The following ZMIZ1 variants were observed in gnomAD, a reference collection of about 807,000 sequenced individuals.
The protein encoded by ZMIZ1 is zinc finger MIZ domain-containing protein 1.
ZMIZ1 carries 17 observed loss-of-function variants against 113.9 expected under a neutral mutation model. The ratio of observed to expected loss-of-function variants is 0.15; its 90% confidence interval spans 0.10 to 0.22. ZMIZ1 has a LOEUF of 0.22. Among genes scored for constraint, ZMIZ1 ranks in the 10% least tolerant of loss-of-function variants. The probability of loss-of-function intolerance (pLI) is 1.00; values close to 1 mark genes in which losing one functional copy is unlikely to be tolerated. For missense variants in ZMIZ1, 1,059 were observed against 1,477.8 expected, an observed-to-expected ratio of 0.72 and a Z score of 4.65; for synonymous variants, 607 against 603.1, an observed-to-expected ratio of 1.01 and a Z score of -0.09.
At chr10:79,114,984 G>T (rs1843959645) in intron 1 of ZMIZ1, among the ~76,000 whole-genome samples, 1 of 152,154 alleles carries the variant, frequency 6.6e-6, no homozygotes, top group African/African-American at 2.4e-5. Flanking sequence ...TAAATTTCTG[G>T]GCTGTGTTCC....
chr10:79,159,026 A>C (rs1157474465), intron 3 of ZMIZ1, among the ~76,000 whole-genome samples: 9 of 152,138 alleles, frequency 5.9e-5, no homozygotes, highest in African/African-American at 2.2e-4. Context: ...TCAGGGTCTC[A>C]CACACCCCAG....
chr10:79,203,253 T>G (rs1250574), intron 5 of ZMIZ1, among the ~76,000 whole-genome samples: 111,503 of 152,092 alleles, frequency 0.73, 40,943 homozygotes, highest in East Asian at 0.78. Flanking sequence ...AGAACGAGGG[T>G]TGTGTGTCTT....
chr10:79,255,736 C>T lies in ZMIZ1; in HGVS notation c.281-21445C>T, dbSNP rs1056058773. ...GTTGTTCTACTTAATTTCATTTTCC[C>T]GGGGCTCCAACTCACAGAAATAAAC... is the stretch of plus-strand genomic sequence containing the variant. On this transcript the variant is annotated intron_variant, in intron 7 of 24. Coordinates refer to ENST00000334512, the MANE Select transcript of ZMIZ1 (RefSeq NM_020338.4). Among the ~76,000 whole-genome samples the T allele has an allele frequency of 1.1e-4, 17 of 152,230 alleles. 1 individual carries two copies. Among genetic ancestry groups the T allele is most frequent in the Admixed American group, 6.5e-4 (10 of 15,274 alleles).
chr10:79,130,800 A>T (rs2132371234), intron 2 of ZMIZ1, among the ~76,000 whole-genome samples: 1 of 152,306 alleles, frequency 6.6e-6, no homozygotes, highest in Middle Eastern at 3.4e-3. Flanking sequence ...GACACTTATG[A>T]AGTGTTTGCA....
At chr10:79,245,077 A>G (rs1850110272) in intron 7 of ZMIZ1, among the ~76,000 whole-genome samples, 1 of 152,186 alleles carries the variant, frequency 6.6e-6, no homozygotes, top group Admixed American at 6.5e-5. Context: ...CCTTAGTGAG[A>G]AACCACCAAA....
chr10:79,119,911 T>A (rs1228930928), intron 2 of ZMIZ1, among the ~76,000 whole-genome samples: 1 of 152,178 alleles, frequency 6.6e-6, no homozygotes, highest in Admixed American at 6.5e-5. Flanking sequence ...ACACTTACTG[T>A]GTGCCAACTC....
intron 2 of ZMIZ1, among the ~76,000 whole-genome samples, chr10:79,127,973 C>G (rs989671825): frequency 4.6e-5 from 7 of 152,216 alleles, no homozygotes; most frequent in Admixed American, 1.3e-4. Flanking sequence ...CTACCTTTTT[C>G]CTGGGTGCTG....
rs149174704 is a variant in ZMIZ1, at chr10:79,311,101, G to A, written c.3013G>A (p.Asp1005Asn). ...QAAPSSHPHSDLTFNPSSALE... is the reference protein window; with the variant it reads ...QAAPSSHPHSNLTFNPSSALE... ...CGCTCCCAGCAGCCATCCACACAGC[G>A]ACCTGACCTTTAACCCCTCCTCAGC... is the stretch of plus-strand genomic sequence containing the variant. Residue 1005 changes from aspartate (D) to asparagine (N), a missense_variant, in exon 24 of 25, where the codon GAC (aspartate) becomes AAC (asparagine). Transcript: ENST00000334512. 269 of 1,613,680 alleles carry A rather than the reference G, an allele frequency of 1.7e-4. No individual in the cohort carries two copies. The East Asian group carries it at 1.7e-3, about 10-fold the overall frequency.
chr10:79,306,610 C>G (rs745400422), intron 22 of ZMIZ1, among the ~76,000 whole-genome samples: 1 of 151,906 alleles, frequency 6.6e-6, no homozygotes, highest in Admixed American at 6.5e-5. Context: ...TTACCCCTTG[C>G]CCTCCTGTAT....
At chr10:79,087,743 G>A (rs539453719) in intron 1 of ZMIZ1, among the ~76,000 whole-genome samples, 2 of 152,200 alleles carry the variant, frequency 1.3e-5, no homozygotes, top group Non-Finnish European at 2.9e-5. Flanking sequence ...TGTGTGCTTT[G>A]CACGTTGTGT....
chr10:79,210,600 C>G (rs929224730), intron 6 of ZMIZ1, among the ~76,000 whole-genome samples: 1 of 152,192 alleles, frequency 6.6e-6, no homozygotes, highest in African/African-American at 2.4e-5. Context: ...ATGCAAAGGC[C>G]CTGAGGCTTG....
intron 19 of ZMIZ1, among the ~76,000 whole-genome samples, chr10:79,304,479 C>T (rs1854547906): frequency 6.6e-6 from 1 of 152,234 alleles, no homozygotes; most frequent in African/African-American, 2.4e-5. Context: ...AGCAGGGACA[C>T]CACTGTCCAG....
chr10:79,208,137 G>A (rs1406382260), intron 5 of ZMIZ1, among the ~76,000 whole-genome samples, 199 bp from the exon 6 acceptor site: 7 of 139,394 alleles, frequency 5.0e-5, no homozygotes, highest in Non-Finnish European at 1.6e-5. Context: ...GTGGGGGTGG[G>A]GGGGGGTGGG....
At chr10:79,093,848 T>C (rs1023117872) in intron 1 of ZMIZ1, among the ~76,000 whole-genome samples, 5 of 152,166 alleles carry the variant, frequency 3.3e-5, no homozygotes, top group Non-Finnish European at 5.9e-5. Flanking sequence ...TCTTCCTCTT[T>C]CTAGGAGGTG....
At chr10:79,127,958 C>T (rs1014956955) in intron 2 of ZMIZ1, among the ~76,000 whole-genome samples, 1 of 152,248 alleles carries the variant, frequency 6.6e-6, no homozygotes, top group Non-Finnish European at 1.5e-5. Flanking sequence ...TGCCTGCCCC[C>T]TCAGCTACCT....
chr10:79,213,330 A>G (rs956297529), intron 6 of ZMIZ1, among the ~76,000 whole-genome samples: 1 of 152,116 alleles, frequency 6.6e-6, no homozygotes, highest in Non-Finnish European at 1.5e-5. Context: ...GGAATGCATG[A>G]GGCACTCTAG....
At chr10:79,132,445 T>C (rs1295438183) in intron 2 of ZMIZ1, among the ~76,000 whole-genome samples, 1 of 151,952 alleles carries the variant, frequency 6.6e-6, no homozygotes, top group Non-Finnish European at 1.5e-5. Context: ...AGCCTGTGTA[T>C]TGGGCTGGAG....
At chr10:79,155,662 G>T (rs922851060) in intron 3 of ZMIZ1, among the ~76,000 whole-genome samples, 3 of 152,230 alleles carry the variant, frequency 2.0e-5, no homozygotes, top group African/African-American at 7.2e-5. Context: ...CTCCAGCTTG[G>T]CCCTGAGAGC....
intron 1 of ZMIZ1, among the ~76,000 whole-genome samples, chr10:79,085,757 C>G (rs1165369183): frequency 6.6e-6 from 1 of 152,230 alleles, no homozygotes; most frequent in African/African-American, 2.4e-5. Flanking sequence ...CAGAATGAGA[C>G]TCTTATTCTG....
Sources: gnomAD v4.1 joint callset for allele counts (sites outside exome capture counted in the v4.1 genomes callset) on GRCh38, gnomAD v4.1.1 for gene constraint, MANE v1.5 for transcripts, NCBI Gene and HGNC (gene_info 2026-07-23, HGNC 2026-07-21) for gene names.